The following TMEM185A variants were observed in gnomAD, a reference collection of about 807,000 sequenced individuals.
TMEM185A encodes the protein family with sequence similarity 11, member A.
Under a neutral mutation model 25.0 loss-of-function variants are expected in TMEM185A, and 9 were observed. That is an observed-to-expected ratio of 0.36 (90% CI 0.22 to 0.63). The LOEUF (loss-of-function observed/expected upper bound fraction) is 0.63, where lower values mean the gene tolerates loss of function less well. TMEM185A is among the 20% of genes least tolerant of loss of function. The pLI is 0.68. For synonymous variants in TMEM185A, 45 were observed against 93.5 expected (o/e 0.48, Z 2.99); for missense variants, 103 against 237.4 (o/e 0.43, Z 3.72).
intron 1 of TMEM185A, among the ~76,000 whole-genome samples, chrX:149,628,385 A>G (rs1288088847): frequency 3.6e-5 from 4 of 112,261 alleles, no homozygotes; most frequent in Non-Finnish European, 5.6e-5. Context: ...AGGAAGCCTC[A>G]GGCATTCAAG....
At position 149,604,002 on chromosome X, in the gene TMEM185A, G is replaced by A. The variant is rs192929781; in HGVS notation, c.492C>T (p.Ile164=). ...AGTTACATACAAGCCAGGGCCAGTGGATGATCTTGTCCAGTCTTAAGGCAA... is the reference window on the plus strand; with the variant it reads ...AGTTACATACAAGCCAGGGCCAGTGAATGATCTTGTCCAGTCTTAAGGCAA... ...IFIALRLDKI[I]HWPWLVVCVP... is the part of the protein sequence containing the mutation. The change falls in exon 4 of 7, where the codon ATC becomes ATT. Residue 164 remains isoleucine (I), a synonymous_variant. Transcript: ENST00000600449. 12 of 1,206,730 alleles carry A rather than the reference G, an allele frequency of 9.9e-6. No individual in the cohort carries two copies. The Admixed American group carries it at 2.6e-4, about 26-fold the overall frequency.
chrX:149,628,414 T>C (rs1303898153), intron 1 of TMEM185A, among the ~76,000 whole-genome samples: 1 of 112,100 alleles, frequency 8.9e-6, no homozygotes, highest in Non-Finnish European at 1.9e-5. Context: ...TGTTTGTGGG[T>C]CCGGTACATC....
At chrX:149,624,822 T>C (rs112264487) in intron 1 of TMEM185A, among the ~76,000 whole-genome samples, 1 of 112,308 alleles carries the variant, frequency 8.9e-6, no homozygotes, top group African/African-American at 3.2e-5. Context: ...AGTAGGAAGA[T>C]CTGCATTTAA....
intron 1 of TMEM185A, among the ~76,000 whole-genome samples, chrX:149,627,473 C>T (rs2090169682): frequency 8.9e-6 from 1 of 112,095 alleles, no homozygotes; most frequent in African/African-American, 3.2e-5. Context: ...TCTACATAGA[C>T]ACAGTAACAA....
rs140233888 is a variant in TMEM185A at position 149,604,633 on chromosome X, C to A, written c.424-563G>T. ...AAGCCCCGAAACCAGATAAACCCAC[C>A]CCATCCTTTGATCCAAGACCCCTCT... On this transcript the variant is annotated intron_variant, in intron 3 of 6. Coordinates refer to ENST00000600449, the MANE Select transcript of TMEM185A (RefSeq NM_032508.4). Among the ~76,000 whole-genome samples the A allele has an allele frequency of 2.7e-5, 3 of 110,945 alleles. No individual in the cohort carries two copies. In the East Asian group the frequency reaches 8.5e-4, roughly 31 times the overall value.
chrX:149,624,754 G>A (rs1046612594), intron 1 of TMEM185A, among the ~76,000 whole-genome samples: 1 of 111,949 alleles, frequency 8.9e-6, no homozygotes, highest in Non-Finnish European at 1.9e-5. Flanking sequence ...ATGTTTAAGA[G>A]CATTTAACCA....
At chrX:149,608,909 C>T in intron 2 of TMEM185A, 75 bp from the exon 3 acceptor site, 1 of 876,638 alleles carries the variant, frequency 1.1e-6, no homozygotes, top group Non-Finnish European at 1.6e-6. Context: ...AGGGCAAATA[C>T]CAACTTATAT....
At chrX:149,619,136 T>A (rs2090126032) in intron 1 of TMEM185A, among the ~76,000 whole-genome samples, 2 of 112,077 alleles carry the variant, frequency 1.8e-5, no homozygotes, top group Admixed American at 1.9e-4. Context: ...CTCTTATACT[T>A]TCAATGAATC....
intron 3 of TMEM185A, among the ~76,000 whole-genome samples, chrX:149,606,434 G>C (rs2090051626): frequency 8.9e-6 from 1 of 112,860 alleles, no homozygotes; most frequent in African/African-American, 3.2e-5. Flanking sequence ...GAGTGCACTG[G>C]GGTGCCTGGG....
At chrX:149,609,557 C>T (rs894746070) in intron 2 of TMEM185A, among the ~76,000 whole-genome samples, 2 of 112,429 alleles carry the variant, frequency 1.8e-5, no homozygotes, top group Non-Finnish European at 3.8e-5. Flanking sequence ...ATGGTAAGGC[C>T]GCTAATCAGG....
At chrX:149,607,464 G>A (rs1483371713) in intron 3 of TMEM185A, among the ~76,000 whole-genome samples, 1 of 112,652 alleles carries the variant, frequency 8.9e-6, no homozygotes, top group Non-Finnish European at 1.9e-5. Flanking sequence ...ATGAACAAAT[G>A]ACTTATCTTC....
chrX:149,619,828 G>A (rs1445584437), intron 1 of TMEM185A, among the ~76,000 whole-genome samples: 1 of 111,568 alleles, frequency 9.0e-6, no homozygotes, highest in Non-Finnish European at 1.9e-5. Context: ...CAAAGGACAT[G>A]AACTCATCAT....
chrX:149,625,964 C>G (rs1382371343), intron 1 of TMEM185A, among the ~76,000 whole-genome samples: 1 of 112,218 alleles, frequency 8.9e-6, no homozygotes, highest in Non-Finnish European at 1.9e-5. Context: ...AAGGAGTTGT[C>G]ACTTAACTAG....
At chrX:149,605,137 A>G (rs2090040124) in intron 3 of TMEM185A, 1 of 112,919 alleles carries the variant, frequency 8.9e-6, no homozygotes, top group Non-Finnish European at 1.9e-5. Flanking sequence ...TCTGTCTCCA[A>G]CTTAGCCTTC....
chrX:149,615,155 G>C (rs1197707760), intron 1 of TMEM185A, among the ~76,000 whole-genome samples: 2 of 112,332 alleles, frequency 1.8e-5, no homozygotes, highest in African/African-American at 6.5e-5. Flanking sequence ...AGGATTGCAA[G>C]ATTGCAATCT....
chrX:149,620,665 A>C (rs2090135396), intron 1 of TMEM185A, among the ~76,000 whole-genome samples: 1 of 111,849 alleles, frequency 8.9e-6, no homozygotes, highest in African/African-American at 3.3e-5. Flanking sequence ...TCTTAGTATT[A>C]TAATTTTGAC....
At chrX:149,608,319 C>T (rs781839309) in intron 3 of TMEM185A, 1 of 180,252 alleles carries the variant, frequency 5.5e-6, no homozygotes, top group East Asian at 1.3e-4. Flanking sequence ...AAATATTTTA[C>T]TTTTGAAAAC....
intron 1 of TMEM185A, among the ~76,000 whole-genome samples, chrX:149,612,201 C>T (rs1894765080): frequency 8.9e-6 from 1 of 111,818 alleles, no homozygotes; most frequent in Non-Finnish European, 1.9e-5. Flanking sequence ...TTGATACAGT[C>T]TACAAAAGAA....
chrX:149,622,641 T>C (rs1261849487), intron 1 of TMEM185A, among the ~76,000 whole-genome samples: 1 of 112,085 alleles, frequency 8.9e-6, no homozygotes, highest in Non-Finnish European at 1.9e-5. Context: ...TTAAAAATAT[T>C]TGAGTGCCTG....
Sources: allele counts gnomAD v4.1 joint callset (sites outside exome capture counted in the v4.1 genomes callset), GRCh38; gene constraint gnomAD v4.1.1; transcripts MANE v1.5; gene names NCBI Gene and HGNC (gene_info 2026-07-23, HGNC 2026-07-21).